The following CPAMD8 variants were observed in gnomAD, a reference collection of about 807,000 sequenced individuals.
CPAMD8 encodes the protein C3 and PZP-like alpha-2-macroglobulin domain-containing protein 8.
In CPAMD8, 146 loss-of-function variants were observed where a neutral mutation model predicts 224.7. That is an observed-to-expected ratio of 0.65 (90% CI 0.57 to 0.75). CPAMD8 has a LOEUF of 0.75. CPAMD8 is among the 30% of genes least tolerant of loss of function. The probability of loss-of-function intolerance (pLI) is 0.00; values close to 1 mark genes in which losing one functional copy is unlikely to be tolerated. For synonymous variants in CPAMD8, 966 were observed against 1,044.6 expected (o/e 0.92, Z 1.45); for missense variants, 2,301 against 2,537.5 (o/e 0.91, Z 2.00).
rs1265606440 is a variant in CPAMD8, at chr19:16,980,651, T to C, written c.1431A>G (p.Thr477=). Residue 477 remains threonine (T), a synonymous_variant, in exon 14 of 42, where the codon ACA becomes ACG. Coordinates refer to ENST00000443236, the MANE Select transcript of CPAMD8 (RefSeq NM_015692.5). ...GEEAYFSVKS[T]CPCNFTLYYE... The stretch of plus-strand genomic sequence containing the variant: ...AGTACAGGGTAAAGTTGCAGGGACA[T>C]GTGGACTTCACAGAAAAATAGGCTT... The C allele has an allele frequency of 3.2e-6, 5 of 1,572,306 alleles. No individual in the cohort carries two copies. The highest frequency in any genetic ancestry group is 3.8e-5 in the Admixed American group (2 of 52,950).
At position 16,899,222 on chromosome 19, in the gene CPAMD8, C is replaced by CT. The variant is rs906343861; in HGVS notation, c.4848+252dup. Among the ~76,000 whole-genome samples the CT allele has an allele frequency of 1.3e-5, 2 of 152,058 alleles. No individual in the cohort carries two copies. The highest frequency in any genetic ancestry group is 4.8e-5 in the African/African-American group (2 of 41,392). ...AGGCGTAAGCCAAAGGGCCTGGGCACTTTTTTATATTTTTTGTAAAGATGG... is the reference window on the plus strand; with the variant it reads ...AGGCGTAAGCCAAAGGGCCTGGGCACTTTTTTTATATTTTTTGTAAAGATGG... On this transcript the variant is annotated intron_variant, in intron 37 of 41. Transcript: ENST00000443236. The surrounding 1 kb of genome is among the most constrained non-coding windows in gnomAD (Gnocchi z 5.4).
At chr19:16,973,747 A>C (rs1421956205) in intron 17 of CPAMD8, among the ~76,000 whole-genome samples, 1 of 152,028 alleles carries the variant, frequency 6.6e-6, no homozygotes, top group Non-Finnish European at 1.5e-5. Context: ...TGAAGGGCGA[A>C]GCATGCTCCC....
chr19:16,974,396 C>T (rs1206964550), intron 17 of CPAMD8, among the ~76,000 whole-genome samples: 1 of 151,780 alleles, frequency 6.6e-6, no homozygotes, highest in African/African-American at 2.4e-5. Context: ...AGACCCCCTG[C>T]CACCTGGGAT....
At chr19:17,023,703 T>C (rs988398876) in intron 1 of CPAMD8, among the ~76,000 whole-genome samples, 9 of 152,248 alleles carry the variant, frequency 5.9e-5, no homozygotes, top group African/African-American at 2.2e-4. Context: ...TGCCTCAGCC[T>C]CCAGAGTAGC....
chr19:16,899,376 A>T lies in CPAMD8; in HGVS notation c.4848+99T>A. On this transcript the variant is annotated intron_variant, in intron 37 of 41. Coordinates refer to ENST00000443236, the MANE Select transcript of CPAMD8 (RefSeq NM_015692.5). This position sits in a 1 kb window ranked among gnomAD's most constrained non-coding sequence, Gnocchi z 5.4. ...CCGGCCCCAGTGTCTTTTTTATGGT[A>T]CAAGATACTTGCAGGGAGCCACACC... The T allele has an allele frequency of 1.4e-6, 1 of 719,408 alleles. No individual in the cohort carries two copies. Among genetic ancestry groups the T allele is most frequent in the Admixed American group, 1.9e-5 (1 of 51,450 alleles). 44.6% of individuals were successfully genotyped at this position (719,408 alleles called of 1,614,324 possible).
intron 11 of CPAMD8, among the ~76,000 whole-genome samples, chr19:16,995,777 G>A (rs970614898): frequency 6.6e-6 from 1 of 152,166 alleles, no homozygotes; most frequent in Non-Finnish European, 1.5e-5. Context: ...CACTTTGGGG[G>A]TCTGAGGTAG....
At chr19:16,901,837 G>A (rs1448507243) in intron 35 of CPAMD8, among the ~76,000 whole-genome samples, 1 of 152,186 alleles carries the variant, frequency 6.6e-6, no homozygotes, top group East Asian at 1.9e-4. Context: ...TCAGAGTGGA[G>A]CTTGCAGCTG....
intron 12 of CPAMD8, among the ~76,000 whole-genome samples, chr19:16,991,938 G>A (rs185363359): frequency 7.9e-5 from 12 of 152,188 alleles, no homozygotes; most frequent in Admixed American, 2.0e-4. Context: ...ACAAGAAAGC[G>A]TGAACCCATC....
rs573889214 is a variant in CPAMD8 at position 16,933,835 on chromosome 19, A to T, written c.2845+4560T>A. ...CATATGATTCTGTTCTTTCATTCCT[A>T]GCTATTGACCCAAGAGAAAGGAAAG... On this transcript the variant is annotated intron_variant, in intron 23 of 41. Transcript: ENST00000443236. 5.3e-4 allele frequency among the ~76,000 whole-genome samples: 81 copies of T among 152,194 alleles called. 1 individual carries two copies. The highest frequency in any genetic ancestry group is 3.7e-4 in the Non-Finnish European group (25 of 68,040).
chr19:16,916,309 C>T (rs2052956891), intron 27 of CPAMD8, among the ~76,000 whole-genome samples: 1 of 152,026 alleles, frequency 6.6e-6, no homozygotes, highest in African/African-American at 2.4e-5. Flanking sequence ...CCACCATGCT[C>T]ACTGCAGCCT....
intron 19 of CPAMD8, 134 bp from the exon 20 acceptor site, chr19:16,952,334 C>T (rs2054324922): frequency 3.1e-6 from 2 of 636,304 alleles, no homozygotes; most frequent in Non-Finnish European, 5.6e-6. Context: ...GCATTGAAGG[C>T]ATCACAAAAG....
intron 11 of CPAMD8, among the ~76,000 whole-genome samples, chr19:16,995,953 C>G (rs1036018308): frequency 6.6e-6 from 1 of 151,910 alleles, no homozygotes; most frequent in Non-Finnish European, 1.5e-5. Flanking sequence ...TGTTCAAGAC[C>G]AGCCTGGCCA....
chr19:16,928,048 C>T lies in CPAMD8; in HGVS notation c.3331G>A (p.Ala1111Thr), dbSNP rs771446644. ...EAFTLGVPHG[A>T]IPGSERATAS... ...GTGGCTCGCTCAGACCCAGGGATGG[C>T]GCCGTGTGGGACCCCCAGGGTGAAG... is the stretch of plus-strand genomic sequence containing the variant. Residue 1111 changes from alanine to threonine, a missense_variant, in exon 25 of 42, where the codon GCC (alanine) becomes ACC (threonine). This residue lies in a region of CPAMD8 where 1,709 missense variants were observed against 1,753.2 expected (regional missense o/e 0.97). Coordinates refer to ENST00000443236, the MANE Select transcript of CPAMD8 (RefSeq NM_015692.5). 70 of 1,613,636 alleles carry T rather than the reference C, an allele frequency of 4.3e-5. No individual in the cohort carries two copies. The highest frequency in any genetic ancestry group is 6.7e-5 in the Admixed American group (4 of 60,008).
chr19:16,923,736 A>G (rs2053257331), intron 26 of CPAMD8, among the ~76,000 whole-genome samples: 2 of 152,108 alleles, frequency 1.3e-5, no homozygotes, highest in Non-Finnish European at 2.9e-5. Flanking sequence ...GGCCAAGGTG[A>G]GAGGATCACT....
chr19:17,007,397 G>A (rs536205640), intron 7 of CPAMD8, among the ~76,000 whole-genome samples: 1 of 151,618 alleles, frequency 6.6e-6, no homozygotes, highest in South Asian at 2.1e-4. Context: ...GAAGAAGGAG[G>A]AAGGAGGAAG....
intron 2 of CPAMD8, among the ~76,000 whole-genome samples, chr19:17,021,456 T>C (rs1467859315): frequency 1.3e-5 from 2 of 152,210 alleles, no homozygotes; most frequent in South Asian, 2.1e-4. Flanking sequence ...CTGTGTCTCC[T>C]GTGGCTACAT....
At chr19:17,019,971 C>CTTTTTTTTTTTTTTTTTTTTTTT (rs569150151) in intron 3 of CPAMD8, among the ~76,000 whole-genome samples, 2 of 97,878 alleles carry the variant, frequency 2.0e-5, no homozygotes, top group Admixed American at 1.0e-4. Context: ...TTTTTCTTTT[C>CTTTTTTTTTTTTTTTTTTTTTTT]TTTTTTTTTT....
rs762191527 is a variant in CPAMD8 at position 16,980,536 on chromosome 19, G to C, written c.1546C>G (p.Leu516Val). The change falls in exon 14 of 42, where the codon CTG (leucine) becomes GTG (valine). Residue 516 changes from leucine to valine, a missense_variant. By Grantham distance (32) the Leu-to-Val change is conservative. This residue lies in a region of CPAMD8 where 301 missense variants were observed against 406.6 expected (regional missense o/e 0.74). Coordinates refer to ENST00000443236, the MANE Select transcript of CPAMD8 (RefSeq NM_015692.5). ...QQRSKRAAPALEKPIRLTHLS... is the reference protein window; with the variant it reads ...QQRSKRAAPAVEKPIRLTHLS... Reference sequence around the variant, plus strand: ...TGTGTTAAACGAATCGGTTTCTCCAGGGCAGGGGCCGCCCGCTTGCTTCGC... The same window carrying C: ...TGTGTTAAACGAATCGGTTTCTCCACGGCAGGGGCCGCCCGCTTGCTTCGC... 3.1e-6 allele frequency: 5 copies of C among 1,614,002 alleles called. No individual in the cohort carries two copies. The highest frequency in any genetic ancestry group is 4.2e-6 in the Non-Finnish European group (5 of 1,179,980).
intron 1 of CPAMD8, among the ~76,000 whole-genome samples, chr19:17,025,705 G>A (rs958377408): frequency 7.9e-5 from 12 of 152,158 alleles, no homozygotes; most frequent in African/African-American, 2.7e-4. Flanking sequence ...CTATTCTAAG[G>A]GATGCCAGCT....
Sources: allele counts gnomAD v4.1 joint callset (sites outside exome capture counted in the v4.1 genomes callset), GRCh38; gene constraint gnomAD v4.1.1; regional missense constraint gnomAD v4.1.1; non-coding constraint Gnocchi (gnomAD v3.1); transcripts MANE v1.5; gene names NCBI Gene and HGNC (gene_info 2026-07-23, HGNC 2026-07-21).